The following GATAD2B variants were observed in gnomAD, a reference collection of about 807,000 sequenced individuals.
GATAD2B encodes the protein GATA zinc finger domain containing 2B, also known as transcriptional repressor p66-beta.
Under a neutral mutation model 64.3 loss-of-function variants are expected in GATAD2B, and 8 were observed. The observed-to-expected ratio is 0.12, with a 90% confidence interval of 0.07 to 0.22. The LOEUF (loss-of-function observed/expected upper bound fraction) is 0.22, where lower values mean the gene tolerates loss of function less well. Ranked by LOEUF, GATAD2B falls within the 10% of genes least tolerant of loss-of-function variation. The pLI is 1.00. For missense variants in GATAD2B, 453 were observed against 752.0 expected (o/e 0.60, Z 4.65); for synonymous variants, 281 against 271.3 (o/e 1.04, Z -0.35).
Position 153,846,710 on chromosome 1 carries a change from G to A in GATAD2B, c.-1-18362C>T, listed in dbSNP as rs527306178. ...CGAGTAGCTGGGATTACAGGCATCC[G>A]CCACCACTCCTGGCTAATTTTTGTA... On this transcript the variant is annotated intron_variant, in intron 1 of 10. Coordinates refer to ENST00000368655, the MANE Select transcript of GATAD2B (RefSeq NM_020699.4). Among the ~76,000 whole-genome samples the A allele has an allele frequency of 6.6e-5, 10 of 151,374 alleles. No individual in the cohort carries two copies. In the East Asian group the frequency reaches 2.0e-3, roughly 30 times the overall value.
At chr1:153,898,017 A>C (rs541660638) in intron 1 of GATAD2B, among the ~76,000 whole-genome samples, 39 of 142,256 alleles carry the variant, frequency 2.7e-4, no homozygotes, top group African/African-American at 8.2e-4. Context: ...AAAAAAAAAA[A>C]CCCAGGCCAG....
chr1:153,816,600 T>G lies in GATAD2B; in HGVS notation c.901-12A>C, dbSNP rs1020686218. ...GAAGAACTTGACTGCTGAAATAGAT[T>G]GAGAATGCGGTCAATCATGGTATGC... is the stretch of plus-strand genomic sequence containing the variant. On this transcript the variant is annotated splice_polypyrimidine_tract_variant and intron_variant, in intron 6 of 10. Coordinates refer to ENST00000368655, the MANE Select transcript of GATAD2B (RefSeq NM_020699.4). This position sits in a 1 kb window ranked among gnomAD's most constrained non-coding sequence, Gnocchi z 4.9. 1.3e-6 allele frequency: 2 copies of G among 1,588,272 alleles called. No homozygotes were observed. Among genetic ancestry groups the G allele is most frequent in the African/African-American group, 2.7e-5 (2 of 74,412 alleles).
chr1:153,895,364 TAAAC>T (rs928424931), intron 1 of GATAD2B, among the ~76,000 whole-genome samples: 4 of 147,032 alleles, frequency 2.7e-5, no homozygotes, highest in Non-Finnish European at 6.0e-5. Context: ...CAGAAACTGA[TAAAC>T]AAGAGATTGG....
chr1:153,831,953 G>A (rs1313142483), intron 1 of GATAD2B, among the ~76,000 whole-genome samples: 2 of 152,222 alleles, frequency 1.3e-5, no homozygotes, highest in Non-Finnish European at 2.9e-5. Flanking sequence ...AGTGGCTCAC[G>A]CCTGTAATCT....
At chr1:153,815,303 A>AAAAAAAAAAAAAAAAAAAAG (rs1557780311) in intron 7 of GATAD2B, among the ~76,000 whole-genome samples, 1 of 148,812 alleles carries the variant, frequency 6.7e-6, no homozygotes, top group African/African-American at 2.5e-5. Flanking sequence ...CAAAAAAAAA[A>AAAAAAAAAAAAAAAAAAAAG]AAAAGAAAAG....
chr1:153,884,398 G>A (rs1276652770), intron 1 of GATAD2B, among the ~76,000 whole-genome samples: 6 of 152,038 alleles, frequency 3.9e-5, no homozygotes, highest in African/African-American at 9.7e-5. Flanking sequence ...AGCTGAGATC[G>A]CTCCACTGCA....
At chr1:153,810,349 A>G in intron 10 of GATAD2B, 39 bp from the exon 11 acceptor site, 1 of 1,605,138 alleles carries the variant, frequency 6.2e-7, no homozygotes, top group Non-Finnish European at 8.5e-7. Context: ...AGGTATTAAA[A>G]GAGGAAATAA....
At chr1:153,875,332 C>A (rs2101933840) in intron 1 of GATAD2B, among the ~76,000 whole-genome samples, 1 of 152,018 alleles carries the variant, frequency 6.6e-6, no homozygotes, top group African/African-American at 2.4e-5. Flanking sequence ...ACATAAAATA[C>A]ACTAACACTA....
intron 8 of GATAD2B, among the ~76,000 whole-genome samples, chr1:153,812,452 T>C (rs186289024): frequency 3.3e-5 from 5 of 152,288 alleles, no homozygotes; most frequent in Admixed American, 2.6e-4. Flanking sequence ...TTTCTGGGTA[T>C]AAGCAGCTAA....
intron 8 of GATAD2B, 105 bp from the exon 9 acceptor site, chr1:153,812,237 C>T: frequency 6.0e-6 from 4 of 664,702 alleles, no homozygotes; most frequent in Admixed American, 2.6e-5. Context: ...ACTTTGTTGC[C>T]CAGGCTGGTC....
chr1:153,820,587 C>T (rs972703314), intron 2 of GATAD2B, among the ~76,000 whole-genome samples: 2 of 152,090 alleles, frequency 1.3e-5, no homozygotes, highest in Non-Finnish European at 2.9e-5. Context: ...AGATTGTCAG[C>T]GTAGTTGGTA....
At chr1:153,879,263 T>C (rs910180375) in intron 1 of GATAD2B, among the ~76,000 whole-genome samples, 17 of 151,782 alleles carry the variant, frequency 1.1e-4, no homozygotes, top group African/African-American at 3.4e-4. Flanking sequence ...TTAGTAGAGA[T>C]AGGGTTTCAC....
chr1:153,870,052 A>G (rs963613079), intron 1 of GATAD2B, among the ~76,000 whole-genome samples: 4 of 152,064 alleles, frequency 2.6e-5, no homozygotes, highest in African/African-American at 9.7e-5. Flanking sequence ...TCCAGCAGCA[A>G]TTCTCCTGCC....
At position 153,819,750 on chromosome 1, in the gene GATAD2B, G is replaced by GA. The variant is rs1674611465; in HGVS notation, c.336-16dup. The GA allele has an allele frequency of 1.3e-6, 2 of 1,573,664 alleles. No homozygotes were observed. The highest frequency in any genetic ancestry group is 8.6e-7 in the Non-Finnish European group (1 of 1,166,256). On this transcript the variant is annotated splice_polypyrimidine_tract_variant and intron_variant, in intron 2 of 10. Coordinates refer to ENST00000368655, the MANE Select transcript of GATAD2B (RefSeq NM_020699.4). ...GCTCTGGCTCACTAGACAAGAAAGG[G>GA]AAAAAATAAGCTATTTCCAACAAAA...
intron 1 of GATAD2B, among the ~76,000 whole-genome samples, chr1:153,839,562 T>C (rs1675401049): frequency 6.6e-6 from 1 of 152,148 alleles, no homozygotes; most frequent in Non-Finnish European, 1.5e-5. Flanking sequence ...AAGTTTAAAG[T>C]AGTAATAGTC....
intron 1 of GATAD2B, among the ~76,000 whole-genome samples, chr1:153,894,516 T>C (rs1215098514): frequency 6.6e-6 from 1 of 151,702 alleles, no homozygotes; most frequent in East Asian, 1.9e-4. Flanking sequence ...ATCTGGGTGG[T>C]CACCTTACAA....
rs530132996 is a variant in GATAD2B, at chr1:153,836,271, T to G, written c.-1-7923A>C. On this transcript the variant is annotated intron_variant, in intron 1 of 10. Coordinates refer to ENST00000368655, the MANE Select transcript of GATAD2B (RefSeq NM_020699.4). ...TCTCTAAAAAAAAATTTGTTTTTTT[T>G]TTTTTTTTTTTAGACAGTCTGTCAC... 2.5e-3 allele frequency among the ~76,000 whole-genome samples: 378 copies of G among 150,748 alleles called. 3 individuals are homozygous for G. Among genetic ancestry groups the G allele is most frequent in the Middle Eastern group, 0.024 (7 of 292 alleles).
chr1:153,850,757 CTAAA>C (rs1458795403), intron 1 of GATAD2B, among the ~76,000 whole-genome samples: 1 of 151,916 alleles, frequency 6.6e-6, no homozygotes, highest in Admixed American at 6.6e-5. Context: ...TTCGTCTCTA[CTAAA>C]TAAACAAAAA....
At chr1:153,846,153 T>C (rs1675680339) in intron 1 of GATAD2B, among the ~76,000 whole-genome samples, 1 of 152,188 alleles carries the variant, frequency 6.6e-6, no homozygotes. Flanking sequence ...CTGACTAGTT[T>C]ACACTTCTCA....
Sources: allele counts gnomAD v4.1 joint callset (sites outside exome capture counted in the v4.1 genomes callset), GRCh38; gene constraint gnomAD v4.1.1; non-coding constraint Gnocchi (gnomAD v3.1); transcripts MANE v1.5; gene names NCBI Gene and HGNC (gene_info 2026-07-23, HGNC 2026-07-21).